The following EML5 variants were observed in gnomAD, a reference collection of about 807,000 sequenced individuals.
EML5 encodes the protein EMAP like 5.
A neutral mutation model predicts 250.0 loss-of-function variants in EML5; 120 were observed. The ratio of observed to expected loss-of-function variants is 0.48; its 90% CI spans 0.41 to 0.56. EML5 has a LOEUF of 0.56. Ranked by LOEUF, EML5 falls within the 20% of genes least tolerant of loss-of-function variation. The pLI is 0.00. For missense variants in EML5, 2,006 were observed against 2,437.6 expected (o/e 0.82, Z 3.73); for synonymous variants, 771 against 806.5 (o/e 0.96, Z 0.75).
At chr14:88,621,789 A>T (rs1260162851) in intron 37 of EML5, 2 of 365,674 alleles carry the variant, frequency 5.5e-6, no homozygotes, top group Non-Finnish European at 1.1e-5. Flanking sequence ...TTTTATTTTG[A>T]AATTGACACA....
intron 17 of EML5, among the ~76,000 whole-genome samples, chr14:88,688,790 T>C (rs984840294): frequency 6.6e-6 from 1 of 152,172 alleles, no homozygotes; most frequent in African/African-American, 2.4e-5. Flanking sequence ...AAAACCCCAA[T>C]ACAATGAATG....
At chr14:88,747,464 C>T (rs1043082761) in intron 2 of EML5, among the ~76,000 whole-genome samples, 2 of 151,908 alleles carry the variant, frequency 1.3e-5, no homozygotes, top group East Asian at 1.9e-4. Flanking sequence ...CACCCACACA[C>T]ACAAACACAA....
rs2094621990 is a variant in EML5, at chr14:88,792,550, G to A, written c.-47C>T. The A allele has an allele frequency of 1.6e-6, 2 of 1,224,952 alleles. No individual in the cohort carries two copies. Among genetic ancestry groups the A allele is most frequent in the African/African-American group, 1.6e-5 (1 of 63,232 alleles). 75.9% of individuals were successfully genotyped at this position (1,224,952 alleles called of 1,614,324 possible). A position where few individuals can be genotyped will look rare whatever the true frequency, so the allele number is the denominator to read the frequency against. ...TCCCGCTCGGGCCCGCGGCGGCGAC[G>A]GGAGGCGGCGGCGGCCCGGCAACGA... is the stretch of plus-strand genomic sequence containing the variant. On this transcript the variant is annotated 5_prime_UTR_variant, in exon 1 of 44. Transcript: ENST00000554922. This position sits in a 1 kb window ranked among gnomAD's most constrained non-coding sequence, Gnocchi z 6.9.
Position 88,618,208 on chromosome 14 carries a change from G to GT in EML5, c.5642+19dup. 1 of 1,603,732 alleles carries GT rather than the reference G, an allele frequency of 6.2e-7. No individual in the cohort carries two copies. The highest frequency in any genetic ancestry group is 8.5e-7 in the Non-Finnish European group (1 of 1,171,614). On this transcript the variant is annotated intron_variant, in intron 41 of 43. Transcript: ENST00000554922. The stretch of plus-strand genomic sequence containing the variant: ...GGCCTTCAAAGTCAGTTCTTGCCTT[G>GT]TGAATATATAAGTATTTACCTAGTC...
intron 19 of EML5, among the ~76,000 whole-genome samples, chr14:88,685,696 C>T (rs965570615): frequency 7.2e-5 from 11 of 152,106 alleles, no homozygotes; most frequent in African/African-American, 2.4e-4. Context: ...GAGTTCCACC[C>T]ACCTGGGCCT....
chr14:88,784,320 T>TA (rs1187638893), intron 1 of EML5, among the ~76,000 whole-genome samples: 19 of 150,206 alleles, frequency 1.3e-4, no homozygotes, highest in Admixed American at 2.7e-4. Flanking sequence ...ATTGACATTT[T>TA]AAAAAACCAA....
chr14:88,710,159 C>T lies in EML5; in HGVS notation c.1657+2112G>A, dbSNP rs528814338. On this transcript the variant is annotated intron_variant, in intron 10 of 43. Coordinates refer to ENST00000554922, the MANE Select transcript of EML5 (RefSeq NM_183387.3). ...TGGATTCTTTCAGAGAGATTATGGT[C>T]AAGAGCAGGTGAAACTAGAGAAAAA... Among the ~76,000 whole-genome samples, 11 of 151,640 alleles carry T rather than the reference C, an allele frequency of 7.3e-5. 1 individual carries two copies. In the South Asian group the frequency reaches 2.3e-3, roughly 32 times the overall value.
At chr14:88,648,990 CA>C (rs2091489606) in intron 28 of EML5, among the ~76,000 whole-genome samples, 1 of 152,026 alleles carries the variant, frequency 6.6e-6, no homozygotes. Flanking sequence ...CTACTGTTTT[CA>C]TCCTTATCTC....
At chr14:88,730,955 G>A (rs538403251) in intron 7 of EML5, among the ~76,000 whole-genome samples, 5 of 151,734 alleles carry the variant, frequency 3.3e-5, no homozygotes, top group Admixed American at 2.0e-4. Context: ...AGACTCTCTC[G>A]TTTTTTTTAA....
intron 1 of EML5, among the ~76,000 whole-genome samples, chr14:88,780,951 T>C (rs896238154): frequency 4.6e-5 from 7 of 152,206 alleles, no homozygotes; most frequent in African/African-American, 9.7e-5. Context: ...ATAAAATACC[T>C]TCACAGCTCA....
In EML5 at chr14:88,621,099, T is replaced by G. The variant is rs2088837088; in HGVS notation, c.5202+14A>C. On this transcript the variant is annotated intron_variant, in intron 38 of 43. Coordinates refer to ENST00000554922, the MANE Select transcript of EML5 (RefSeq NM_183387.3). ...GAAGTTGTAACCTCTTTTAAAAAAATTATCTGTACTTACTTTATCAGCAAT... is the reference window on the plus strand; with the variant it reads ...GAAGTTGTAACCTCTTTTAAAAAAAGTATCTGTACTTACTTTATCAGCAAT... 6.2e-7 allele frequency: 1 copy of G among 1,602,392 alleles called. No homozygotes were observed. Among genetic ancestry groups the G allele is most frequent in the East Asian group, 2.2e-5 (1 of 44,760 alleles).
rs1555370057 is a variant in EML5 at position 88,745,167 on chromosome 14, T to TTGTGTGTGTGTG, written c.456+1006_456+1017dup. Among the ~76,000 whole-genome samples the TTGTGTGTGTGTG allele has an allele frequency of 2.8e-4, 40 of 145,184 alleles. 1 individual carries two copies. Among genetic ancestry groups the TTGTGTGTGTGTG allele is most frequent in the African/African-American group, 8.5e-4 (33 of 38,876 alleles). ...TTTAATAATGGTCTAAATTGTGTGT[T>TTGTGTGTGTGTG]TGTGTGTGTGTGTGTGTGTGTGTGT... On this transcript the variant is annotated intron_variant, in intron 3 of 43. Coordinates refer to ENST00000554922, the MANE Select transcript of EML5 (RefSeq NM_183387.3).
At position 88,621,113 on chromosome 14, in the gene EML5, T is replaced by C. The variant is rs749900775; in HGVS notation, c.5202A>G (p.Lys1734=). ...TTTTAAAAAAATTATCTGTACTTACTTTATCAGCAATATCCCAAAGTCTCA... is the reference window on the plus strand; with the variant it reads ...TTTTAAAAAAATTATCTGTACTTACCTTATCAGCAATATCCCAAAGTCTCA... The part of the protein sequence containing the change: ...GTVRLWDIAD[K]KMLNKVNLGH... Residue 1734 remains lysine, a splice_region_variant and synonymous_variant, in exon 38 of 44, where the codon AAA becomes AAG. Coordinates refer to ENST00000554922, the MANE Select transcript of EML5 (RefSeq NM_183387.3). 2 of 1,613,492 alleles carry C rather than the reference T, an allele frequency of 1.2e-6. No homozygotes were observed. Among genetic ancestry groups the C allele is most frequent in the Non-Finnish European group, 1.7e-6 (2 of 1,179,718 alleles).
rs2092802191 is a variant in EML5, at chr14:88,685,125, T to C, written c.2872A>G (p.Asn958Asp). The C allele has an allele frequency of 6.3e-7, 1 of 1,596,462 alleles. No homozygotes were observed. The highest frequency in any genetic ancestry group is 8.5e-7 in the Non-Finnish European group (1 of 1,172,390). ...AATGATATGGCACGTATAGATGGAT[T>C]ATCTTCCAAGAGAAGACCTGAAATG... ...PGSKGLLLED[N>D]PSIRAISLGH... The change falls in exon 20 of 44, where the codon AAT becomes GAT. Residue 958 changes from asparagine (N) to aspartate (D), a missense_variant. Coordinates refer to ENST00000554922, the MANE Select transcript of EML5 (RefSeq NM_183387.3).
intron 1 of EML5, among the ~76,000 whole-genome samples, chr14:88,770,345 T>C (rs1193003651): frequency 6.6e-6 from 1 of 152,226 alleles, no homozygotes; most frequent in Non-Finnish European, 1.5e-5. Flanking sequence ...CTATGCTTTT[T>C]CTAGAAATTT....
chr14:88,667,803 G>A (rs1487634204), intron 21 of EML5, among the ~76,000 whole-genome samples: 1 of 152,198 alleles, frequency 6.6e-6, no homozygotes, highest in East Asian at 1.9e-4. Flanking sequence ...CACCATCACT[G>A]TAATGGCTCT....
At chr14:88,687,488 G>A (rs536295756) in intron 18 of EML5, among the ~76,000 whole-genome samples, 161 bp from the exon 19 acceptor site, 10 of 152,170 alleles carry the variant, frequency 6.6e-5, no homozygotes, top group South Asian at 4.1e-4. Context: ...TTTTTAAACC[G>A]TCTACATGGA....
chr14:88,720,948 G>A (rs929273034), intron 8 of EML5, among the ~76,000 whole-genome samples: 4 of 152,080 alleles, frequency 2.6e-5, no homozygotes, highest in South Asian at 2.1e-4. Flanking sequence ...TAAAATCAAT[G>A]TGTAAAAGTC....
chr14:88,719,182 T>C lies in EML5; in HGVS notation c.1188-3987A>G, dbSNP rs577784487. Among the ~76,000 whole-genome samples, 18 of 152,092 alleles carry C rather than the reference T, an allele frequency of 1.2e-4. No individual in the cohort carries two copies. The South Asian group carries it at 3.7e-3, about 32-fold the overall frequency. On this transcript the variant is annotated intron_variant, in intron 8 of 43. Transcript: ENST00000554922. ...AGGAGGACTGCTTGATCTCAGGAGTTTGAGATCAACTGGGCAAAATGACAA... is the reference window on the plus strand; with the variant it reads ...AGGAGGACTGCTTGATCTCAGGAGTCTGAGATCAACTGGGCAAAATGACAA...
Sources: allele counts gnomAD v4.1 joint callset (sites outside exome capture counted in the v4.1 genomes callset), GRCh38; gene constraint gnomAD v4.1.1; non-coding constraint Gnocchi (gnomAD v3.1); transcripts MANE v1.5; gene names NCBI Gene and HGNC (gene_info 2026-07-23, HGNC 2026-07-21).